The following CSMD1 variants were observed in gnomAD, a reference collection of about 807,000 sequenced individuals.
CSMD1 encodes the protein CUB and sushi domain-containing protein 1.
In CSMD1, 213 loss-of-function variants were observed where a neutral mutation model predicts 417.5. That is an observed-to-expected ratio of 0.51 (90% CI 0.46 to 0.57). The LOEUF is 0.57. CSMD1 is among the 20% of genes least tolerant of loss of function. CSMD1 has a pLI of 0.00. For missense variants in CSMD1, 6,923 were observed against 4,529.7 expected, an observed-to-expected ratio of 1.53 and a Z score of -15.17; for synonymous variants, 2,862 against 1,736.8, an observed-to-expected ratio of 1.65 and a Z score of -16.11.
intron 2 of CSMD1, among the ~76,000 whole-genome samples, chr8:4,529,942 T>C (rs1796710779): frequency 6.6e-6 from 1 of 151,654 alleles, no homozygotes. Flanking sequence ...TGAGACCGAG[T>C]CTCGATTTGT....
At chr8:3,658,215 A>C (rs1798227562) in intron 7 of CSMD1, among the ~76,000 whole-genome samples, 1 of 152,284 alleles carries the variant, frequency 6.6e-6, no homozygotes, top group African/African-American at 2.4e-5. Context: ...TATGACTCTC[A>C]ATGTAAAATA....
chr8:3,234,541 A>G (rs1336924249), intron 26 of CSMD1, among the ~76,000 whole-genome samples: 1 of 152,130 alleles, frequency 6.6e-6, no homozygotes, highest in Non-Finnish European at 1.5e-5. Flanking sequence ...ATGGAAAGAG[A>G]GCGGGAATGA....
At position 3,666,683 on chromosome 8, in the gene CSMD1, T is replaced by A. The variant is rs146456819; in HGVS notation, c.1009+41731A>T. ...CCCATACTGTTCTCATGGTAGTGAA[T>A]AAGTCTCATGCAATCTGATGTCTTT... On this transcript the variant is annotated intron_variant, in intron 7 of 69. Transcript: ENST00000635120. Among the ~76,000 whole-genome samples the A allele has an allele frequency of 2.2e-4, 33 of 152,314 alleles. No homozygotes were observed. In the East Asian group the frequency reaches 5.8e-3, roughly 27 times the overall value.
intron 21 of CSMD1, among the ~76,000 whole-genome samples, chr8:3,350,402 G>A (rs78774668): frequency 0.04 from 5,833 of 146,608 alleles, 292 homozygotes; most frequent in African/African-American, 0.12. Flanking sequence ...GGAAACTGAA[G>A]CATAGAATAG....
chr8:4,797,436 C>T (rs537090179), intron 1 of CSMD1, among the ~76,000 whole-genome samples: 78 of 152,250 alleles, frequency 5.1e-4, no homozygotes, highest in Non-Finnish European at 9.0e-4. Context: ...AAGCAGAACA[C>T]CTAAGTACCA....
chr8:3,013,837 A>C (rs1256242263), intron 52 of CSMD1, among the ~76,000 whole-genome samples: 2 of 152,052 alleles, frequency 1.3e-5, no homozygotes, highest in Non-Finnish European at 2.9e-5. Context: ...TCAAGAGCCC[A>C]CTTAAACTAT....
In CSMD1 at chr8:3,997,920, C is replaced by T. The variant is rs764537471; in HGVS notation, c.801G>A (p.Thr267=). Residue 267 remains threonine (T), a synonymous_variant, in exon 5 of 70, where the codon ACG becomes ACA. Coordinates refer to ENST00000635120, the MANE Select transcript of CSMD1 (RefSeq NM_033225.6). ...EGYDFLEISG[T]EAPSIWLTGM... is the part of the protein sequence containing the mutation. ...GGACTTACCATATGGATGGAGCTTC[C>T]GTGCCACTGATCTCTAAGAAATCAT... 11 of 1,612,108 alleles carry T rather than the reference C, an allele frequency of 6.8e-6. No homozygotes were observed. Among genetic ancestry groups the T allele is most frequent in the Admixed American group, 5.0e-5 (3 of 59,830 alleles).
At chr8:3,334,909 C>T (rs768175692) in intron 23 of CSMD1, among the ~76,000 whole-genome samples, 11 of 152,230 alleles carry the variant, frequency 7.2e-5, no homozygotes, top group Non-Finnish European at 1.3e-4. Flanking sequence ...GATCCCATTG[C>T]ATCTGTAGCA....
intron 3 of CSMD1, among the ~76,000 whole-genome samples, chr8:4,238,559 T>A (rs1421479607): frequency 1.2e-4 from 18 of 152,250 alleles, no homozygotes; most frequent in African/African-American, 4.1e-4. Context: ...TGGTGATTAG[T>A]TAGACAATGT....
intron 54 of CSMD1, among the ~76,000 whole-genome samples, chr8:2,993,208 T>C (rs892234207): frequency 1.3e-5 from 2 of 152,194 alleles, no homozygotes; most frequent in African/African-American, 2.4e-5. Context: ...CTAAGAACAA[T>C]GTATAAAGGC....
chr8:3,140,335 C>T (rs1268505482), intron 41 of CSMD1, among the ~76,000 whole-genome samples: 1 of 118,836 alleles, frequency 8.4e-6, no homozygotes, highest in East Asian at 2.3e-4. Flanking sequence ...TGTTCTCTCT[C>T]TCTCTCTCTC....
Position 3,853,456 on chromosome 8 carries a change from C to G in CSMD1, c.819-99414G>C, listed in dbSNP as rs4875790. Among the ~76,000 whole-genome samples the G allele has an allele frequency of 9.9e-3, 1,503 of 152,272 alleles. 99 individuals carry two copies. The highest frequency in any genetic ancestry group is 0.081 in the Admixed American group (1,242 of 15,290). ...ATTTACTCCCAGGAAATGGTAAACT[C>G]TGTGAAGGCAAGGATCTTTGTCTAC... On this transcript the variant is annotated intron_variant, in intron 5 of 69. Transcript: ENST00000635120.
intron 1 of CSMD1, among the ~76,000 whole-genome samples, chr8:4,893,378 T>G (rs1804257377): frequency 6.6e-6 from 1 of 152,082 alleles, no homozygotes; most frequent in South Asian, 2.1e-4. Context: ...TACCATGCTT[T>G]TATTAATACA....
intron 1 of CSMD1, among the ~76,000 whole-genome samples, chr8:4,714,654 C>G (rs1294764435): frequency 1.3e-5 from 2 of 151,970 alleles, no homozygotes; most frequent in Non-Finnish European, 2.9e-5. Flanking sequence ...CCCAGAAAGA[C>G]ATACTTGTCT....
At chr8:4,262,547 T>A (rs1803960635) in intron 3 of CSMD1, among the ~76,000 whole-genome samples, 1 of 152,168 alleles carries the variant, frequency 6.6e-6, no homozygotes, top group African/African-American at 2.4e-5. Flanking sequence ...GGATCATGCA[T>A]TTGAAATGCT....
At chr8:4,018,564 A>G (rs1796632406) in intron 4 of CSMD1, among the ~76,000 whole-genome samples, 1 of 152,324 alleles carries the variant, frequency 6.6e-6, no homozygotes, top group South Asian at 2.1e-4. Flanking sequence ...TGATGAGAAA[A>G]GCAGAGCCTC....
chr8:4,627,321 A>G lies in CSMD1; in HGVS notation c.302+10021T>C, dbSNP rs971460765. On this transcript the variant is annotated intron_variant, in intron 2 of 69. Transcript: ENST00000635120. Reference sequence around the variant, plus strand: ...CTCAGCTTCAAACTTGATCATCCACATAAAGCTCATTTAAAATCCTGAAAA... The same window carrying G: ...CTCAGCTTCAAACTTGATCATCCACGTAAAGCTCATTTAAAATCCTGAAAA... Among the ~76,000 whole-genome samples, 29 of 152,168 alleles carry G rather than the reference A, an allele frequency of 1.9e-4. 1 individual carries two copies. Among genetic ancestry groups the G allele is most frequent in the Non-Finnish European group, 3.2e-4 (22 of 68,024 alleles).
intron 1 of CSMD1, among the ~76,000 whole-genome samples, chr8:4,703,133 A>G (rs1807692210): frequency 6.6e-6 from 1 of 152,208 alleles, no homozygotes; most frequent in African/African-American, 2.4e-5. Flanking sequence ...ATTAGATGCA[A>G]TATCTGGCAG....
chr8:3,804,088 A>C (rs1281037227), intron 5 of CSMD1, among the ~76,000 whole-genome samples: 1 of 151,884 alleles, frequency 6.6e-6, no homozygotes, highest in Non-Finnish European at 1.5e-5. Flanking sequence ...CACCACATCC[A>C]GCTATTTTTT....
Sources: allele counts gnomAD v4.1 joint callset (sites outside exome capture counted in the v4.1 genomes callset), GRCh38; gene constraint gnomAD v4.1.1; transcripts MANE v1.5; gene names NCBI Gene and HGNC (gene_info 2026-07-23, HGNC 2026-07-21).